The following PCDHGA1 variants were observed in gnomAD, a reference collection of about 807,000 sequenced individuals.
The protein encoded by PCDHGA1 is protocadherin gamma-A1.
Under a neutral mutation model 58.0 loss-of-function variants are expected in PCDHGA1, and 32 were observed. The observed-to-expected ratio is 0.55, with a 90% CI of 0.42 to 0.74. The LOEUF is 0.74. Ranked by LOEUF, PCDHGA1 falls within the 30% of genes least tolerant of loss-of-function variation. The probability of loss-of-function intolerance (pLI) is 0.00; values close to 1 mark genes in which losing one functional copy is unlikely to be tolerated. For synonymous variants in PCDHGA1, 498 were observed against 501.1 expected (o/e 0.99, Z 0.08); for missense variants, 1,205 against 1,182.3 (o/e 1.02, Z -0.28).
intron 1 of PCDHGA1, chr5:141,430,598 T>G: frequency 1.7e-6 from 1 of 598,568 alleles, no homozygotes; most frequent in Non-Finnish European, 2.6e-6. Context: ...TGCACGCGCC[T>G]GAAGCACAAA....
At chr5:141,423,557 G>A (rs1365715281) in intron 1 of PCDHGA1, 4 of 1,613,536 alleles carry the variant, frequency 2.5e-6, no homozygotes, top group East Asian at 2.2e-5. Context: ...CCCAACTATG[G>A]GGACACGCTC....
intron 2 of PCDHGA1, among the ~76,000 whole-genome samples, chr5:141,496,474 T>A (rs2099769027): frequency 6.6e-6 from 1 of 152,140 alleles, no homozygotes; most frequent in African/African-American, 2.4e-5. Context: ...CTTTCCCCCA[T>A]CCTGCAACCA....
In PCDHGA1 at chr5:141,487,818, G is replaced by A. The variant is rs1009237001; in HGVS notation, c.2422-6989G>A. On this transcript the variant is annotated intron_variant, in intron 1 of 3. Coordinates refer to ENST00000517417, the MANE Select transcript of PCDHGA1 (RefSeq NM_018912.3). This position sits in a 1 kb window ranked among gnomAD's most constrained non-coding sequence, Gnocchi z 5.0. ...GAGTTGTCACAGTTTAGCATTGGGG[G>A]CGGGTCATGCCTATATCTGAGTAAG... The A allele has an allele frequency of 1.2e-4, 158 of 1,331,596 alleles. No homozygotes were observed. The highest frequency in any genetic ancestry group is 1.4e-4 in the Non-Finnish European group (140 of 970,524). 82.5% of individuals were successfully genotyped at this position (1,331,596 alleles called of 1,614,324 possible). A position where few individuals can be genotyped will look rare whatever the true frequency, so the allele number is the denominator to read the frequency against.
chr5:141,344,598 G>A (rs1757443282), intron 1 of PCDHGA1: 2 of 1,613,986 alleles, frequency 1.2e-6, no homozygotes, highest in Non-Finnish European at 1.7e-6. Context: ...CTCTGAGGGG[G>A]CCAAGTATCC....
intron 1 of PCDHGA1, among the ~76,000 whole-genome samples, chr5:141,425,967 G>A (rs1021171082): frequency 2.0e-5 from 3 of 152,214 alleles, no homozygotes; most frequent in Non-Finnish European, 4.4e-5. Flanking sequence ...CAACACATCA[G>A]TCTAATTCTG....
chr5:141,393,917 C>T (rs1429211009), intron 1 of PCDHGA1: 12 of 1,613,806 alleles, frequency 7.4e-6, no homozygotes, highest in Non-Finnish European at 1.7e-6. Context: ...TAATTGCCTT[C>T]TTGAGTGTGC....
intron 1 of PCDHGA1, chr5:141,394,094 A>G (rs759909698): frequency 6.2e-7 from 1 of 1,613,934 alleles, no homozygotes; most frequent in Admixed American, 1.7e-5. Context: ...CCTCAGATCT[A>G]GGAACACCAC....
At position 141,332,253 on chromosome 5, in the gene PCDHGA1, G is replaced by C. The variant is rs1018252731; in HGVS notation, c.1569G>C (p.Glu523Asp). The change falls in exon 1 of 4, where the codon GAG (glutamate) becomes GAC (aspartate). Residue 523 changes from glutamate to aspartate, a missense_variant. By Grantham distance (45) the Glu-to-Asp change is conservative. Transcript: ENST00000517417. This position sits in a 1 kb window ranked among gnomAD's most constrained non-coding sequence, Gnocchi z 4.6. ...ATGCGCTGCGATCCTTCGACTATGA[G>C]CAGTTCCGGGACATGCAACTGAAAG... ...VLYALRSFDY[E>D]QFRDMQLKVM... 1 of 1,614,214 alleles carries C rather than the reference G, an allele frequency of 6.2e-7. No homozygotes were observed. The highest frequency in any genetic ancestry group is 1.3e-5 in the African/African-American group (1 of 75,062).
In PCDHGA1 at chr5:141,415,612, G is replaced by A. The variant is rs745660439; in HGVS notation, c.2422-79195G>A. 12 of 1,612,854 alleles carry A rather than the reference G, an allele frequency of 7.4e-6. No homozygotes were observed. The South Asian group carries it at 1.2e-4, about 16-fold the overall frequency. ...TATAGAGGATACCCCATTGGTTCCA[G>A]TGAGTTTTATTTTCATTTTTACTTT... On this transcript the variant is annotated intron_variant, in intron 1 of 3. Transcript: ENST00000517417.
At chr5:141,390,405 T>C in intron 1 of PCDHGA1, 1 of 1,264,524 alleles carries the variant, frequency 7.9e-7, no homozygotes, top group Non-Finnish European at 1.1e-6. Flanking sequence ...TTTAGGAAAG[T>C]TGTAGTCAGT....
At position 141,431,574 on chromosome 5, in the gene PCDHGA1, G is replaced by T. The variant is rs1476143491; in HGVS notation, c.2422-63233G>T. The T allele has an allele frequency of 6.2e-7, 1 of 1,614,196 alleles. No homozygotes were observed. Among genetic ancestry groups the T allele is most frequent in the Admixed American group, 1.7e-5 (1 of 60,034 alleles). On this transcript the variant is annotated intron_variant, in intron 1 of 3. Transcript: ENST00000517417. This position sits in a 1 kb window ranked among gnomAD's most constrained non-coding sequence, Gnocchi z 4.8. The stretch of plus-strand genomic sequence containing the variant: ...GTCAACGCTACCGACCCTGACGAAG[G>T]AGTCAATGCGGAAGTGAGGTATTCC...
chr5:141,355,745 T>C, intron 1 of PCDHGA1: 10 of 1,614,006 alleles, frequency 6.2e-6, no homozygotes, highest in Non-Finnish European at 8.5e-6. Context: ...TCCCTGGACG[T>C]GCAAAGTGGG....
rs143168452 is a variant in PCDHGA1 at position 141,504,127 on chromosome 5, C to T, written c.2481-1266C>T. Among the ~76,000 whole-genome samples the T allele has an allele frequency of 1.3e-3, 195 of 152,220 alleles. 2 individuals carry two copies. The highest frequency in any genetic ancestry group is 4.4e-3 in the African/African-American group (181 of 41,520). On this transcript the variant is annotated intron_variant, in intron 2 of 3. Transcript: ENST00000517417. ...CTGTGTGTGTGCCAGGGCTGTTTCC[C>T]GCCAACACTCCCCTGCAAATTGAAA...
At position 141,486,622 on chromosome 5, in the gene PCDHGA1, C is replaced by T. The variant is rs1320329216; in HGVS notation, c.2422-8185C>T. On this transcript the variant is annotated intron_variant, in intron 1 of 3. Coordinates refer to ENST00000517417, the MANE Select transcript of PCDHGA1 (RefSeq NM_018912.3). The surrounding 1 kb of genome is among the most constrained non-coding windows in gnomAD (Gnocchi z 5.0). ...GCTCCCTTGCAGCCTCTGACCCAGACTCTGGCTTGAATGCGCTTATCTCCT... is the reference window on the plus strand; with the variant it reads ...GCTCCCTTGCAGCCTCTGACCCAGATTCTGGCTTGAATGCGCTTATCTCCT... 6.2e-7 allele frequency: 1 copy of T among 1,613,574 alleles called. No individual in the cohort carries two copies. The highest frequency in any genetic ancestry group is 8.5e-7 in the Non-Finnish European group (1 of 1,180,042).
chr5:141,428,073 G>A (rs2097106496), intron 1 of PCDHGA1: 1 of 1,609,082 alleles, frequency 6.2e-7, no homozygotes, highest in Admixed American at 1.7e-5. Flanking sequence ...CGCAGATTCG[G>A]GACACAACGC....
At chr5:141,469,142 G>A (rs1473440049) in intron 1 of PCDHGA1, among the ~76,000 whole-genome samples, 3 of 152,024 alleles carry the variant, frequency 2.0e-5, no homozygotes, top group East Asian at 1.9e-4. Flanking sequence ...CAGAAATGGT[G>A]GCACATGTCT....
chr5:141,504,848 C>G (rs181277525), intron 2 of PCDHGA1, among the ~76,000 whole-genome samples: 1 of 152,236 alleles, frequency 6.6e-6, no homozygotes, highest in Non-Finnish European at 1.5e-5. Context: ...CTGGAACATT[C>G]TCTTCCATTT....
chr5:141,453,926 T>C (rs1274875429), intron 1 of PCDHGA1, among the ~76,000 whole-genome samples: 1 of 152,256 alleles, frequency 6.6e-6, no homozygotes, highest in Non-Finnish European at 1.5e-5. Flanking sequence ...GATCAGTCAC[T>C]GTGTGCCTAT....
At chr5:141,350,585 A>C (rs759358608) in intron 1 of PCDHGA1, 3 of 1,614,056 alleles carry the variant, frequency 1.9e-6, no homozygotes, top group Non-Finnish European at 2.5e-6. Context: ...GGTCGCTGAA[A>C]ACCCAATGAA....
Sources: allele counts gnomAD v4.1 joint callset (sites outside exome capture counted in the v4.1 genomes callset), GRCh38; gene constraint gnomAD v4.1.1; non-coding constraint Gnocchi (gnomAD v3.1); transcripts MANE v1.5; gene names NCBI Gene and HGNC (gene_info 2026-07-23, HGNC 2026-07-21).